The following ELP3 variants were observed in gnomAD, a reference collection of about 807,000 sequenced individuals.
The protein encoded by ELP3 is elongator acetyltransferase complex subunit 3, also known as elongator complex protein 3.
A neutral mutation model predicts 74.9 loss-of-function variants in ELP3; 56 were observed. The observed-to-expected ratio is 0.75, with a 90% CI of 0.60 to 0.93. The LOEUF is 0.93. ELP3 is among the 40% of genes least tolerant of loss of function. The pLI is 0.00. For synonymous variants in ELP3, 222 were observed against 239.8 expected (o/e 0.93, Z 0.68); for missense variants, 573 against 686.5 (o/e 0.83, Z 1.85).
At chr8:28,128,215 C>T (rs755058439) in intron 7 of ELP3, among the ~76,000 whole-genome samples, 30 of 152,082 alleles carry the variant, frequency 2.0e-4, no homozygotes, top group Admixed American at 4.6e-4. Context: ...GGCTCATGCC[C>T]GTAATCCCAG....
chr8:28,102,852 T>C (rs1310193514), intron 3 of ELP3, among the ~76,000 whole-genome samples: 7 of 152,192 alleles, frequency 4.6e-5, no homozygotes, highest in Admixed American at 2.0e-4. Context: ...CTGTGTCATA[T>C]GAAATAGTTT....
intron 11 of ELP3, 133 bp downstream of exon 11, chr8:28,156,165 A>G: frequency 9.9e-6 from 7 of 708,896 alleles, no homozygotes; most frequent in Non-Finnish European, 1.7e-5. Flanking sequence ...TGTTGAAAGC[A>G]TAGTCACTGA....
chr8:28,101,424 CAAA>C (rs1231219061), intron 3 of ELP3, among the ~76,000 whole-genome samples: 5 of 151,828 alleles, frequency 3.3e-5, no homozygotes, highest in Non-Finnish European at 7.4e-5. Context: ...CATCTCAAAA[CAAA>C]AAACAAAAAA....
chr8:28,113,103 G>A lies in ELP3; in HGVS notation c.547G>A (p.Asp183Asn), dbSNP rs1811985555. 2 of 1,613,928 alleles carry A rather than the reference G, an allele frequency of 1.2e-6. No individual in the cohort carries two copies. Among genetic ancestry groups the A allele is most frequent in the East Asian group, 4.5e-5 (2 of 44,834 alleles). Residue 183 changes from aspartate (D) to asparagine (N), a missense_variant, in exon 7 of 15, where the codon GAT (aspartate) becomes AAT (asparagine). Coordinates refer to ENST00000256398, the MANE Select transcript of ELP3 (RefSeq NM_018091.6). ...TFMALPEEYR[D>N]YFIRNLHDAL... ...TATGGCCCTTCCAGAAGAATACAGA[G>A]ATTATTTTATTCGAAATTTACATGA... is the stretch of plus-strand genomic sequence containing the variant.
intron 14 of ELP3, among the ~76,000 whole-genome samples, chr8:28,172,754 A>G (rs1814581577): frequency 6.6e-6 from 1 of 152,058 alleles, no homozygotes; most frequent in Non-Finnish European, 1.5e-5. Context: ...ACAATTGAGC[A>G]TGATATTATT....
Position 28,107,996 on chromosome 8 carries a change from G to A in ELP3, c.393+20G>A, listed in dbSNP as rs190274080. On this transcript the variant is annotated intron_variant, in intron 5 of 14. Coordinates refer to ENST00000256398, the MANE Select transcript of ELP3 (RefSeq NM_018091.6). The stretch of plus-strand genomic sequence containing the variant: ...TATGAGGTACAGTAACTTTGAGGCT[G>A]TCCTGATGAAATGTTGCATCATGCT... 19 of 1,602,586 alleles carry A rather than the reference G, an allele frequency of 1.2e-5. No individual in the cohort carries two copies. The East Asian group carries it at 3.1e-4, about 26-fold the overall frequency.
At chr8:28,130,353 G>A (rs1438912198) in intron 8 of ELP3, among the ~76,000 whole-genome samples, 1 of 152,146 alleles carries the variant, frequency 6.6e-6, no homozygotes, top group Non-Finnish European at 1.5e-5. Context: ...GATGTTAAAG[G>A]CCCCTTTATT....
At chr8:28,125,817 C>T (rs1434050044) in intron 7 of ELP3, among the ~76,000 whole-genome samples, 2 of 120,278 alleles carry the variant, frequency 1.7e-5, no homozygotes, top group Non-Finnish European at 3.2e-5. Flanking sequence ...GATTGTTAAG[C>T]ATGTCTGGGA....
intron 7 of ELP3, among the ~76,000 whole-genome samples, chr8:28,125,126 TGCC>T (rs1812520761): frequency 6.6e-6 from 1 of 152,222 alleles, no homozygotes; most frequent in African/African-American, 2.4e-5. Context: ...ATGGTGCTGC[TGCC>T]AAGGAGTTAC....
At chr8:28,117,572 G>T (rs188509603) in intron 7 of ELP3, among the ~76,000 whole-genome samples, 1 of 152,190 alleles carries the variant, frequency 6.6e-6, no homozygotes, top group East Asian at 1.9e-4. Context: ...TATGATTTGG[G>T]TCTTCATTGC....
At chr8:28,100,577 A>T (rs1330982533) in intron 3 of ELP3, among the ~76,000 whole-genome samples, 1 of 152,272 alleles carries the variant, frequency 6.6e-6, no homozygotes, top group Non-Finnish European at 1.5e-5. Flanking sequence ...TCAGGAGAGT[A>T]GGACTGTGCG....
At chr8:28,157,600 C>A (rs949623838) in intron 11 of ELP3, among the ~76,000 whole-genome samples, 13 of 152,016 alleles carry the variant, frequency 8.6e-5, no homozygotes, top group Non-Finnish European at 1.8e-4. Context: ...ATATAGCAGT[C>A]CTTCATAAAA....
chr8:28,170,367 A>T (rs12335090), intron 14 of ELP3, among the ~76,000 whole-genome samples: 1 of 152,048 alleles, frequency 6.6e-6, no homozygotes, highest in East Asian at 1.9e-4. Context: ...TCTTGTCCCA[A>T]CCAGATTTTC....
chr8:28,140,649 C>T (rs1813200728), intron 10 of ELP3, among the ~76,000 whole-genome samples: 2 of 152,182 alleles, frequency 1.3e-5, no homozygotes, highest in Non-Finnish European at 2.9e-5. Flanking sequence ...TTTCAGCGCT[C>T]ACACTGGGAG....
chr8:28,150,870 G>C (rs1325351508), intron 10 of ELP3, among the ~76,000 whole-genome samples: 3 of 151,894 alleles, frequency 2.0e-5, no homozygotes, highest in African/African-American at 7.3e-5. Context: ...ATTTATTTTA[G>C]AGACAGGGTC....
chr8:28,175,553 C>T (rs1360083649), intron 14 of ELP3, among the ~76,000 whole-genome samples: 1 of 152,068 alleles, frequency 6.6e-6, no homozygotes, highest in Non-Finnish European at 1.5e-5. Context: ...TTTCTTGTAA[C>T]TCCTTAGGCA....
chr8:28,113,455 C>A (rs1812000621), intron 7 of ELP3, among the ~76,000 whole-genome samples: 1 of 152,258 alleles, frequency 6.6e-6, no homozygotes. Flanking sequence ...CAAATATGGT[C>A]CATGAATGTC....
rs1563245662 is a variant in ELP3 at position 28,099,900 on chromosome 8, C to G, written c.192C>G (p.Val64=). The G allele has an allele frequency of 4.3e-6, 7 of 1,614,202 alleles. No individual in the cohort carries two copies. The South Asian group carries it at 7.7e-5, about 18-fold the overall frequency. Residue 64 remains valine, a synonymous_variant, in exon 3 of 15, where the codon GTC becomes GTG. Transcript: ENST00000256398. The part of the protein sequence containing the change: ...QPRLVDIIAA[V]PPQYRKVLMP... ...GCCTGGTGGATATCATTGCTGCCGT[C>G]CCTCCTCAGTATCGCAAGGTCTTGA...
intron 1 of ELP3, 138 bp from the exon 2 acceptor site, chr8:28,097,081 A>C: frequency 3.5e-6 from 2 of 576,882 alleles, no homozygotes; most frequent in Non-Finnish European, 6.1e-6. Context: ...TAAACAGTAG[A>C]GATTTAGCAT....
Sources: allele counts gnomAD v4.1 joint callset (sites outside exome capture counted in the v4.1 genomes callset), GRCh38; gene constraint gnomAD v4.1.1; transcripts MANE v1.5; gene names NCBI Gene and HGNC (gene_info 2026-07-23, HGNC 2026-07-21).